Variants in MSRA observed in about 807,000 individuals in gnomAD.
The protein encoded by MSRA is methionine sulfoxide reductase A.
Under a neutral mutation model 31.3 loss-of-function variants are expected in MSRA, and 54 were observed. That is an observed-to-expected ratio of 1.73 (90% CI 1.39 to 2.17). MSRA has a LOEUF of 2.17. Among genes scored for constraint, MSRA ranks in the 30% most tolerant of loss-of-function variants. The probability of loss-of-function intolerance (pLI) is 0.00; values close to 1 mark genes in which losing one functional copy is unlikely to be tolerated. For missense variants in MSRA, 507 were observed against 300.9 expected, an observed-to-expected ratio of 1.69 and a Z score of -5.07; for synonymous variants, 169 against 116.5, an observed-to-expected ratio of 1.45 and a Z score of -2.90.
At chr8:10,321,573 C>A (rs919086821) in intron 5 of MSRA, among the ~76,000 whole-genome samples, 1 of 152,166 alleles carries the variant, frequency 6.6e-6, no homozygotes, top group Admixed American at 6.5e-5. Flanking sequence ...AATTCATCTC[C>A]TTGAATATGG....
chr8:10,356,734 A>G (rs1005524059), intron 5 of MSRA, among the ~76,000 whole-genome samples: 14 of 152,046 alleles, frequency 9.2e-5, no homozygotes, highest in African/African-American at 3.4e-4. Context: ...CAGACATAGA[A>G]TCTACCTTGA....
In MSRA at chr8:10,404,090, A is replaced by C. The variant is rs567496664; in HGVS notation, c.544-24058A>C. 2.0e-5 allele frequency among the ~76,000 whole-genome samples: 3 copies of C among 152,326 alleles called. No homozygotes were observed. The South Asian group carries it at 6.2e-4, about 32-fold the overall frequency. ...GGCTTTTATTTTATGTTGATGAAGTAGACTTCGGAAAATGCTTCAAAGGAT... is the reference window on the plus strand; with the variant it reads ...GGCTTTTATTTTATGTTGATGAAGTCGACTTCGGAAAATGCTTCAAAGGAT... On this transcript the variant is annotated intron_variant, in intron 5 of 5. Transcript: ENST00000317173.
intron 5 of MSRA, among the ~76,000 whole-genome samples, chr8:10,415,127 T>C (rs894318762): frequency 1.3e-5 from 2 of 152,162 alleles, no homozygotes; most frequent in Non-Finnish European, 2.9e-5. Flanking sequence ...GTTGCACATT[T>C]CAACTATAGG....
At chr8:10,418,209 GTA>G (rs542825350) in intron 5 of MSRA, among the ~76,000 whole-genome samples, 40 of 152,360 alleles carry the variant, frequency 2.6e-4, no homozygotes, top group African/African-American at 9.4e-4. Context: ...TTTGGTGGGT[GTA>G]GGGGATGGGG....
At chr8:10,248,215 C>T (rs1797725159) in intron 3 of MSRA, among the ~76,000 whole-genome samples, 1 of 152,204 alleles carries the variant, frequency 6.6e-6, no homozygotes, top group Non-Finnish European at 1.5e-5. Flanking sequence ...ACTTTGATCA[C>T]AATCCGTGAA....
At chr8:10,119,034 T>C (rs1340314036) in intron 1 of MSRA, among the ~76,000 whole-genome samples, 1 of 152,186 alleles carries the variant, frequency 6.6e-6, no homozygotes, top group Non-Finnish European at 1.5e-5. Flanking sequence ...CCTCCCCGCC[T>C]TCCCTGGGAC....
At chr8:10,288,179 T>TA (rs1800038094) in intron 3 of MSRA, among the ~76,000 whole-genome samples, 1 of 152,200 alleles carries the variant, frequency 6.6e-6, no homozygotes, top group African/African-American at 2.4e-5. Flanking sequence ...TTTCAGGCTT[T>TA]AAAAAAATTA....
intron 1 of MSRA, among the ~76,000 whole-genome samples, chr8:10,205,668 AAAAAG>A (rs1197950086): frequency 1.3e-5 from 2 of 152,248 alleles, no homozygotes; most frequent in African/African-American, 2.4e-5. Context: ...CACCCTAGAC[AAAAAG>A]AAAAGAATCT....
intron 4 of MSRA, among the ~76,000 whole-genome samples, chr8:10,310,027 C>T (rs139644628): frequency 6.6e-5 from 10 of 152,334 alleles, no homozygotes; most frequent in Non-Finnish European, 1.5e-4. Flanking sequence ...AAAATACTGT[C>T]GTTCGTATAT....
At position 10,325,014 on chromosome 8, in the gene MSRA, C is replaced by G. The variant is rs144815304; in HGVS notation, c.543+5025C>G. ...GCAATGCAGGTGCATAAAAGCTGCA[C>G]AAAGTGAATGGGGGCCCTTGCAGAA... On this transcript the variant is annotated intron_variant, in intron 5 of 5. Transcript: ENST00000317173. Among the ~76,000 whole-genome samples, 335 of 152,264 alleles carry G rather than the reference C, an allele frequency of 2.2e-3. 1 individual carries two copies. The highest frequency in any genetic ancestry group is 3.8e-3 in the Non-Finnish European group (261 of 68,032).
In MSRA at chr8:10,127,107, T is replaced by G. The variant is rs1361652611; in HGVS notation, c.142+72449T>G. Among the ~76,000 whole-genome samples, 5 of 152,242 alleles carry G rather than the reference T, an allele frequency of 3.3e-5. No homozygotes were observed. In the East Asian group the frequency reaches 7.7e-4, roughly 23 times the overall value. ...TCTAGAATTCATAACTTTGTATTCT[T>G]AGTCCTTCTTGCAAACTCTGGTGTG... is the stretch of plus-strand genomic sequence containing the variant. On this transcript the variant is annotated intron_variant, in intron 1 of 5. Coordinates refer to ENST00000317173, the MANE Select transcript of MSRA (RefSeq NM_012331.5).
chr8:10,139,393 C>A (rs886566635), intron 1 of MSRA, among the ~76,000 whole-genome samples: 1 of 151,990 alleles, frequency 6.6e-6, no homozygotes, highest in Non-Finnish European at 1.5e-5. Context: ...ATACTAAATT[C>A]GGGGGCGGGG....
At chr8:10,124,421 A>G (rs987180510) in intron 1 of MSRA, among the ~76,000 whole-genome samples, 1 of 152,206 alleles carries the variant, frequency 6.6e-6, no homozygotes, top group African/African-American at 2.4e-5. Flanking sequence ...TGTAAGCACA[A>G]AATTTGTGCT....
chr8:10,225,975 G>C (rs887955165), intron 2 of MSRA, among the ~76,000 whole-genome samples: 3 of 152,172 alleles, frequency 2.0e-5, no homozygotes, highest in Non-Finnish European at 4.4e-5. Flanking sequence ...GGAAAAAATG[G>C]GAAGTGTGAA....
intron 1 of MSRA, among the ~76,000 whole-genome samples, chr8:10,068,014 G>T (rs1361938685): frequency 6.6e-6 from 1 of 151,054 alleles, no homozygotes. Flanking sequence ...TTCCTGGGTA[G>T]CTGGGACTAC....
chr8:10,244,977 A>T, intron 2 of MSRA, 127 bp from the exon 3 acceptor site: 1 of 659,858 alleles, frequency 1.5e-6, no homozygotes, highest in East Asian at 2.8e-5. Context: ...AATCTTAGTC[A>T]TTTTTGGTTA....
chr8:10,055,612 C>T (rs1055032769), intron 1 of MSRA, among the ~76,000 whole-genome samples: 4 of 152,250 alleles, frequency 2.6e-5, no homozygotes, highest in Non-Finnish European at 5.9e-5. Context: ...GTAATGTACG[C>T]TGTAGCTTGT....
chr8:10,375,262 C>T (rs951162847), intron 5 of MSRA, among the ~76,000 whole-genome samples: 2 of 152,154 alleles, frequency 1.3e-5, no homozygotes, highest in East Asian at 1.9e-4. Flanking sequence ...ACAAGGCTGG[C>T]GTCTGCTGGG....
At chr8:10,354,892 A>C (rs967208595) in intron 5 of MSRA, among the ~76,000 whole-genome samples, 1 of 151,984 alleles carries the variant, frequency 6.6e-6, no homozygotes, top group Non-Finnish European at 1.5e-5. Context: ...GTTGCTTCCA[A>C]CATTTCCTGC....
Sources: gnomAD v4.1 joint callset for allele counts (sites outside exome capture counted in the v4.1 genomes callset) on GRCh38, gnomAD v4.1.1 for gene constraint, MANE v1.5 for transcripts, NCBI Gene and HGNC (gene_info 2026-07-23, HGNC 2026-07-21) for gene names.